The following RIT2 variants were observed in gnomAD, a reference collection of about 807,000 sequenced individuals.
RIT2 encodes Ras like without CAAX 2, also known as GTP-binding protein Rit2.
RIT2 carries 24 observed loss-of-function variants against 23.7 expected under a neutral mutation model. That is an observed-to-expected ratio of 1.01 (90% CI 0.73 to 1.43). The LOEUF is 1.43. RIT2 is among the 40% of genes most tolerant of loss of function. The pLI is 0.00. For synonymous variants in RIT2, 107 were observed against 91.1 expected (o/e 1.17, Z -0.99); for missense variants, 236 against 266.9 (o/e 0.88, Z 0.81).
chr18:42,757,568 C>T (rs1196523383), intron 4 of RIT2, among the ~76,000 whole-genome samples: 1 of 152,168 alleles, frequency 6.6e-6, no homozygotes, highest in Admixed American at 6.5e-5. Flanking sequence ...GAAAACAAAA[C>T]TGAACCAATA....
intron 1 of RIT2, among the ~76,000 whole-genome samples, chr18:43,101,100 A>G (rs1306908529): frequency 1.3e-5 from 2 of 152,118 alleles, no homozygotes; most frequent in African/African-American, 4.8e-5. Context: ...ATTCACTTAT[A>G]GTAATGAACA....
rs184750352 is a variant in RIT2, at chr18:42,987,955, A to T, written c.161-13808T>A. On this transcript the variant is annotated intron_variant, in intron 2 of 4. Coordinates refer to ENST00000326695, the MANE Select transcript of RIT2 (RefSeq NM_002930.4). ...GTACCAAGCCATTTATAAGGGATCC[A>T]CCCGCATGACCCAGACACCTTCCAT... Among the ~76,000 whole-genome samples the T allele has an allele frequency of 3.3e-5, 5 of 152,224 alleles. No homozygotes were observed. In the East Asian group the frequency reaches 9.7e-4, roughly 29 times the overall value.
At chr18:42,865,841 C>T (rs1473224682) in intron 4 of RIT2, among the ~76,000 whole-genome samples, 2 of 152,146 alleles carry the variant, frequency 1.3e-5, no homozygotes, top group African/African-American at 4.8e-5. Context: ...ATGCAATCTA[C>T]ATTCTGGAAA....
rs201301908 is a variant in RIT2 at position 43,038,496 on chromosome 18, A to C, written c.104-4629T>G. On this transcript the variant is annotated intron_variant, in intron 1 of 4. Coordinates refer to ENST00000326695, the MANE Select transcript of RIT2 (RefSeq NM_002930.4). ...TGTTTCCCTGCTCTCCAAATGTTTC[A>C]GTTTTCATTCCAAACTATTCTCCCA... 5.3e-5 allele frequency among the ~76,000 whole-genome samples: 8 copies of C among 151,958 alleles called. No homozygotes were observed. The East Asian group carries it at 1.4e-3, about 26-fold the overall frequency.
At chr18:42,926,679 T>C (rs565721166) in intron 3 of RIT2, among the ~76,000 whole-genome samples, 3 of 152,060 alleles carry the variant, frequency 2.0e-5, no homozygotes, top group African/African-American at 7.2e-5. Flanking sequence ...GTTGACCAGA[T>C]TCAAAGTCAC....
intron 2 of RIT2, among the ~76,000 whole-genome samples, chr18:42,998,482 T>C (rs1289472793): frequency 1.3e-5 from 2 of 152,212 alleles, no homozygotes; most frequent in African/African-American, 4.8e-5. Context: ...GTCAAATAGA[T>C]TGGACCAAGA....
At chr18:42,826,410 G>T (rs1309234221) in intron 4 of RIT2, among the ~76,000 whole-genome samples, 1 of 151,938 alleles carries the variant, frequency 6.6e-6, no homozygotes, top group Admixed American at 6.6e-5. Flanking sequence ...AGAGAACAAA[G>T]ATTTAATCAT....
At chr18:42,899,667 T>C (rs935399691) in intron 4 of RIT2, among the ~76,000 whole-genome samples, 1 of 152,056 alleles carries the variant, frequency 6.6e-6, no homozygotes. Context: ...GGACATTCAT[T>C]TCCTTCTGAA....
intron 2 of RIT2, among the ~76,000 whole-genome samples, chr18:42,998,778 G>T (rs1389392095): frequency 1.3e-5 from 2 of 152,092 alleles, no homozygotes; most frequent in African/African-American, 4.8e-5. Context: ...AGGCTGCTCT[G>T]TCAGTCTGCA....
chr18:43,076,349 CT>C (rs199636779), intron 1 of RIT2, among the ~76,000 whole-genome samples: 13 of 151,440 alleles, frequency 8.6e-5, no homozygotes, highest in East Asian at 3.9e-4. Context: ...TTAAATTGAT[CT>C]TTTTTTTTCC....
chr18:43,101,272 A>G (rs1913678015), intron 1 of RIT2, among the ~76,000 whole-genome samples: 2 of 152,114 alleles, frequency 1.3e-5, no homozygotes, highest in South Asian at 4.1e-4. Context: ...CTTGGTACCA[A>G]GTGTCAAATT....
chr18:42,888,893 A>G (rs1321509091), intron 4 of RIT2, among the ~76,000 whole-genome samples: 1 of 152,058 alleles, frequency 6.6e-6, no homozygotes, highest in Non-Finnish European at 1.5e-5. Flanking sequence ...GAAACAATAG[A>G]CACTGTGGAC....
Position 42,743,534 on chromosome 18 carries a change from G to A in RIT2, c.613C>T (p.Leu205Phe), listed in dbSNP as rs1262780804. ...CTCTTCTTCTTCAAAGAACCTTTGA[G>A]CTTCTTCCACAGGCTGTCTTTTCTC... ...LKRKDSLWKKLKGSLKKKREN... is the reference protein window; with the variant it reads ...LKRKDSLWKKFKGSLKKKREN... The change falls in exon 5 of 5, where the codon CTC becomes TTC. Residue 205 changes from leucine (L) to phenylalanine (F), a missense_variant. Physicochemically the swap from Leu to Phe is conservative, Grantham distance 22. Coordinates refer to ENST00000326695, the MANE Select transcript of RIT2 (RefSeq NM_002930.4). 2 of 1,613,784 alleles carry A rather than the reference G, an allele frequency of 1.2e-6. No homozygotes were observed. The highest frequency in any genetic ancestry group is 1.1e-5 in the South Asian group (1 of 91,076).
At chr18:43,041,650 C>T (rs1912131216) in intron 1 of RIT2, among the ~76,000 whole-genome samples, 1 of 152,136 alleles carries the variant, frequency 6.6e-6, no homozygotes, top group Admixed American at 6.5e-5. Flanking sequence ...AAAGCAAACA[C>T]ATTTTGTGTG....
intron 4 of RIT2, among the ~76,000 whole-genome samples, chr18:42,765,178 G>A (rs998324084): frequency 6.6e-6 from 1 of 152,108 alleles, no homozygotes; most frequent in Non-Finnish European, 1.5e-5. Context: ...GGTTGTGTAA[G>A]AAAAAAATAT....
chr18:42,850,649 GA>G (rs1907028101), intron 4 of RIT2, among the ~76,000 whole-genome samples: 1 of 152,056 alleles, frequency 6.6e-6, no homozygotes, highest in African/African-American at 2.4e-5. Flanking sequence ...TGTAAATAAA[GA>G]AAAAATATTT....
intron 4 of RIT2, among the ~76,000 whole-genome samples, chr18:42,775,735 T>C (rs1398687742): frequency 6.6e-6 from 1 of 150,832 alleles, no homozygotes; most frequent in African/African-American, 2.5e-5. Context: ...ATAAATGCCA[T>C]ACCCTCTTAA....
At chr18:42,931,458 CAT>C (rs1021352448) in intron 3 of RIT2, among the ~76,000 whole-genome samples, 5 of 152,070 alleles carry the variant, frequency 3.3e-5, no homozygotes, top group African/African-American at 4.8e-5. Context: ...TAGCATTAGT[CAT>C]TTGTCTTACA....
intron 4 of RIT2, among the ~76,000 whole-genome samples, chr18:42,851,872 G>A (rs1427054459): frequency 6.6e-6 from 1 of 152,042 alleles, no homozygotes; most frequent in East Asian, 1.9e-4. Flanking sequence ...ATAAAAGACA[G>A]GTAAGGGTCT....
Sources: allele counts gnomAD v4.1 joint callset (sites outside exome capture counted in the v4.1 genomes callset), GRCh38; gene constraint gnomAD v4.1.1; transcripts MANE v1.5; gene names NCBI Gene and HGNC (gene_info 2026-07-23, HGNC 2026-07-21).